Variants in BCAS3 observed in about 807,000 individuals in gnomAD.
BCAS3 encodes the protein BCAS4/BCAS3 fusion.
Under a neutral mutation model 116.1 loss-of-function variants are expected in BCAS3, and 53 were observed. The observed-to-expected ratio is 0.46, with a 90% CI of 0.37 to 0.57. The LOEUF (loss-of-function observed/expected upper bound fraction) is 0.57. Ranked by LOEUF, BCAS3 falls within the 20% of genes least tolerant of loss-of-function variation. The pLI, the probability that BCAS3 is intolerant of heterozygous loss-of-function variation, is 0.00. For missense variants in BCAS3, 917 were observed against 1,165.4 expected (o/e 0.79, Z 3.10); for synonymous variants, 391 against 408.2 (o/e 0.96, Z 0.51).
intron 22 of BCAS3, among the ~76,000 whole-genome samples, chr17:61,273,880 C>G (rs1314330870): frequency 1.3e-5 from 2 of 149,828 alleles, no homozygotes; most frequent in Admixed American, 1.3e-4. Flanking sequence ...ATGTTTGGTT[C>G]TTTTTATATA....
chr17:61,166,391 C>CTTTTTTT (rs748083151), intron 22 of BCAS3, among the ~76,000 whole-genome samples: 1 of 33,726 alleles, frequency 3.0e-5, no homozygotes, highest in African/African-American at 8.4e-5. Context: ...CTCTCTCTCT[C>CTTTTTTT]TTTTTTTTTT....
Position 61,249,042 on chromosome 17 carries a change from T to C in BCAS3, c.2426-119285T>C, listed in dbSNP as rs1317849981. On this transcript the variant is annotated intron_variant, in intron 22 of 23. Coordinates refer to ENST00000407086, the MANE Select transcript of BCAS3 (RefSeq NM_017679.5). This position sits in a 1 kb window ranked among gnomAD's most constrained non-coding sequence, Gnocchi z 6.2. ...GGCTCACGCCTGTAATCCCAGAACTTTGGGAGGCCGAGGCAGGTAGATCCC... is the reference window on the plus strand; with the variant it reads ...GGCTCACGCCTGTAATCCCAGAACTCTGGGAGGCCGAGGCAGGTAGATCCC... 6.6e-6 allele frequency among the ~76,000 whole-genome samples: 1 copy of C among 152,176 alleles called. No homozygotes were observed. Among genetic ancestry groups the C allele is most frequent in the Non-Finnish European group, 1.5e-5 (1 of 68,022 alleles).
At chr17:60,795,469 GA>G (rs2047131372) in intron 6 of BCAS3, among the ~76,000 whole-genome samples, 1 of 152,142 alleles carries the variant, frequency 6.6e-6, no homozygotes, top group Non-Finnish European at 1.5e-5. Context: ...GAGGAGTGGT[GA>G]AAGTGGGCAT....
intron 22 of BCAS3, among the ~76,000 whole-genome samples, chr17:61,133,350 A>T (rs1430946237): frequency 6.6e-6 from 1 of 152,188 alleles, no homozygotes; most frequent in African/African-American, 2.4e-5. Flanking sequence ...TCTTCCCCAA[A>T]TACAAAGGCA....
chr17:61,155,643 A>C (rs2077792057), intron 22 of BCAS3, among the ~76,000 whole-genome samples: 2 of 152,248 alleles, frequency 1.3e-5, no homozygotes, highest in Admixed American at 1.3e-4. Flanking sequence ...AACTGGCGAC[A>C]GTCATACAAG....
chr17:60,693,546 C>A lies in BCAS3; in HGVS notation c.214+3785C>A, dbSNP rs2143879348. Among the ~76,000 whole-genome samples the A allele has an allele frequency of 1.3e-5, 2 of 151,626 alleles. 1 individual carries two copies. The highest frequency in any genetic ancestry group is 4.9e-5 in the African/African-American group (2 of 41,160). ...CCTCCCACCTCAGCCTCCTTAGTAG[C>A]TTGGACCACAGGCATGTACCACTAT... On this transcript the variant is annotated intron_variant, in intron 4 of 23. Coordinates refer to ENST00000407086, the MANE Select transcript of BCAS3 (RefSeq NM_017679.5).
At chr17:60,971,734 C>T (rs1251566523) in intron 14 of BCAS3, among the ~76,000 whole-genome samples, 1 of 152,222 alleles carries the variant, frequency 6.6e-6, no homozygotes, top group Non-Finnish European at 1.5e-5. Context: ...TCTGCTCAAC[C>T]AGACTGGCTG....
chr17:60,897,819 G>A (rs1318186507), intron 10 of BCAS3, among the ~76,000 whole-genome samples: 4 of 152,088 alleles, frequency 2.6e-5, no homozygotes. Context: ...GGGCTCAGGT[G>A]ATCCTCTTGC....
chr17:61,359,399 A>C (rs886326910), intron 22 of BCAS3, among the ~76,000 whole-genome samples: 2 of 152,032 alleles, frequency 1.3e-5, no homozygotes, highest in Admixed American at 6.5e-5. Flanking sequence ...GAGAGCTCCC[A>C]CTGGGCAGTG....
chr17:60,860,245 A>G (rs1415498901), intron 7 of BCAS3, among the ~76,000 whole-genome samples: 2 of 152,134 alleles, frequency 1.3e-5, no homozygotes, highest in East Asian at 3.8e-4. Context: ...CTCTCTAATG[A>G]TTAGTGATGT....
chr17:61,195,512 A>G (rs1047268973), intron 22 of BCAS3, among the ~76,000 whole-genome samples: 2 of 149,216 alleles, frequency 1.3e-5, no homozygotes, highest in Non-Finnish European at 3.0e-5. Context: ...GGCATGAGCC[A>G]CCATGCCCTG....
chr17:60,855,452 ATTTTTT>A (rs565603643), intron 7 of BCAS3, among the ~76,000 whole-genome samples: 1 of 125,752 alleles, frequency 8.0e-6, no homozygotes, highest in African/African-American at 3.1e-5. Flanking sequence ...CTATTTTTAA[ATTTTTT>A]TTTTTTTTTT....
At chr17:60,821,013 CT>C (rs2049915473) in intron 7 of BCAS3, among the ~76,000 whole-genome samples, 1 of 152,186 alleles carries the variant, frequency 6.6e-6, no homozygotes, top group Non-Finnish European at 1.5e-5. Context: ...GTGGCACAAT[CT>C]CGGCTCACTG....
rs748448942 is a variant in BCAS3 at position 61,362,437 on chromosome 17, C to T, written c.2426-5890C>T. On this transcript the variant is annotated intron_variant, in intron 22 of 23. Transcript: ENST00000407086. This position sits in a 1 kb window ranked among gnomAD's most constrained non-coding sequence, Gnocchi z 4.4. ...TGGGCAGAACCTCATTAACGCAAAG[C>T]GGAGGCTGTGCCACAGTCTCTTAAA... 4.6e-5 allele frequency among the ~76,000 whole-genome samples: 7 copies of T among 152,314 alleles called. No individual in the cohort carries two copies. The highest frequency in any genetic ancestry group is 1.4e-4 in the African/African-American group (6 of 41,572).
intron 6 of BCAS3, among the ~76,000 whole-genome samples, chr17:60,752,732 A>C (rs539483960): frequency 1.6e-5 from 1 of 62,412 alleles, no homozygotes; most frequent in African/African-American, 2.6e-5. Flanking sequence ...GAGAGAGTCT[A>C]CCAACATTTA....
intron 22 of BCAS3, among the ~76,000 whole-genome samples, chr17:61,284,398 C>T (rs970406619): frequency 6.6e-5 from 10 of 152,172 alleles, no homozygotes; most frequent in Non-Finnish European, 1.5e-4. Context: ...AGAATGAAGT[C>T]AGCGAGACCA....
At chr17:60,689,463 C>A (rs1354623321) in intron 3 of BCAS3, among the ~76,000 whole-genome samples, 1 of 152,150 alleles carries the variant, frequency 6.6e-6, no homozygotes, top group Non-Finnish European at 1.5e-5. Context: ...GGTGCCTAGC[C>A]TGCAGTTCTT....
chr17:61,230,996 T>C, intron 22 of BCAS3, among the ~76,000 whole-genome samples: 1 of 143,760 alleles, frequency 7.0e-6, no homozygotes, highest in African/African-American at 2.6e-5. Context: ...AGATAAGGTC[T>C]CACTATGTTC....
At chr17:60,722,876 G>C (rs2039403433) in intron 5 of BCAS3, among the ~76,000 whole-genome samples, 1 of 151,990 alleles carries the variant, frequency 6.6e-6, no homozygotes, top group African/African-American at 2.4e-5. Context: ...ACCACCCTGG[G>C]CAACATAGAC....
Sources: gnomAD v4.1 joint callset for allele counts (sites outside exome capture counted in the v4.1 genomes callset) on GRCh38, gnomAD v4.1.1 for gene constraint, Gnocchi (gnomAD v3.1) non-coding constraint, MANE v1.5 for transcripts, NCBI Gene and HGNC (gene_info 2026-07-23, HGNC 2026-07-21) for gene names.